ZNF875: variants seen among roughly 807,000 people sequenced by gnomAD.
ZNF875 encodes zinc finger protein 875, also known as HKR1, GLI-Kruppel zinc finger family member.
ZNF875 carries 14 observed loss-of-function variants against 11.2 expected under a neutral mutation model. The observed-to-expected ratio is 1.26, with a 90% CI of 0.83 to 1.96. The LOEUF (loss-of-function observed/expected upper bound fraction) is 1.96. ZNF875 is among the 30% of genes most tolerant of loss of function. The pLI, the probability that ZNF875 is intolerant of heterozygous loss-of-function variation, is 0.00. For missense variants in ZNF875, 752 were observed against 760.4 expected, an observed-to-expected ratio of 0.99 and a Z score of 0.13; for synonymous variants, 301 against 281.1, an observed-to-expected ratio of 1.07 and a Z score of -0.71.
chr19:37,342,803 G>A (rs1349555529), intron 2 of ZNF875, among the ~76,000 whole-genome samples: 1 of 152,116 alleles, frequency 6.6e-6, no homozygotes. Context: ...GTTCATGCAG[G>A]CAATAGCTTT....
chr19:37,324,028 T>G (rs1287525964), intron 3 of ZNF875, among the ~76,000 whole-genome samples: 1 of 152,244 alleles, frequency 6.6e-6, no homozygotes, highest in African/African-American at 2.4e-5. Context: ...CCAATGATCC[T>G]AACAGTTTAA....
At chr19:37,340,708 T>C (rs940644211) in intron 2 of ZNF875, among the ~76,000 whole-genome samples, 1 of 147,552 alleles carries the variant, frequency 6.8e-6, no homozygotes, top group Non-Finnish European at 1.5e-5. Flanking sequence ...GAGTGCAGTG[T>C]CACGATCTCA....
upstream of ZNF875, among the ~76,000 whole-genome samples, chr19:37,332,444 C>T (rs1399400781): frequency 2.6e-5 from 4 of 151,992 alleles, no homozygotes; most frequent in African/African-American, 7.2e-5. Context: ...CTCGAACTCC[C>T]GACCTCAGGT....
chr19:37,351,985 C>G (rs1488673284), intron 4 of ZNF875, among the ~76,000 whole-genome samples: 1 of 152,096 alleles, frequency 6.6e-6, no homozygotes, highest in Non-Finnish European at 1.5e-5. Flanking sequence ...TCTTATTTTT[C>G]TATCCATTAC....
At chr19:37,358,133 CTTTT>C (rs35011906) in intron 4 of ZNF875, 222 of 85,496 alleles carry the variant, frequency 2.6e-3, no homozygotes, top group East Asian at 0.01. Flanking sequence ...TTAAGATGAT[CTTTT>C]TTTTTTTTTT....
upstream of ZNF875, chr19:37,313,420 G>A (rs1366519092): frequency 6.6e-6 from 1 of 152,264 alleles, no homozygotes; most frequent in African/African-American, 2.4e-5. Context: ...AGATCAGGAT[G>A]TGTCACCCTG....
intron 4 of ZNF875, among the ~76,000 whole-genome samples, chr19:37,328,271 G>A (rs1204035257): frequency 1.3e-5 from 2 of 152,120 alleles, no homozygotes; most frequent in Non-Finnish European, 2.9e-5. Flanking sequence ...GGGTGGAAAA[G>A]AGGGATTCCA....
At chr19:37,334,277 C>G (rs1215268788), upstream of ZNF875, among the ~76,000 whole-genome samples, 1 of 152,214 alleles carries the variant, frequency 6.6e-6, no homozygotes, top group African/African-American at 2.4e-5. Flanking sequence ...CTGGCACCTG[C>G]TCAGGGAAGG....
chr19:37,344,756 CG>C, intron 2 of ZNF875: 1 of 1,598,834 alleles, frequency 6.3e-7, no homozygotes, highest in Non-Finnish European at 8.6e-7. Context: ...TGAGTTGTTC[CG>C]GGGCTGGAGG....
chr19:37,362,088 A>T, intron 4 of ZNF875, 21 bp from the exon 5 acceptor site: 1 of 1,584,402 alleles, frequency 6.3e-7, no homozygotes, highest in Non-Finnish European at 8.6e-7. Flanking sequence ...GGCCCCTCTG[A>T]AAATGTTCTT....
intron 2 of ZNF875, among the ~76,000 whole-genome samples, chr19:37,322,592 C>A (rs759453250): frequency 6.6e-6 from 1 of 152,182 alleles, no homozygotes; most frequent in African/African-American, 2.4e-5. Flanking sequence ...CATCAGTGAA[C>A]TACTCTGTAT....
chr19:37,347,547 CTCTT>C (rs1012770070), intron 3 of ZNF875: 43 of 611,780 alleles, frequency 7.0e-5, no homozygotes, highest in Non-Finnish European at 1.0e-4. Flanking sequence ...CTTGTGCTCT[CTCTT>C]TATTTTGCTT....
At chr19:37,321,892 A>G (rs1188969217) in intron 1 of ZNF875, among the ~76,000 whole-genome samples, 1 of 152,192 alleles carries the variant, frequency 6.6e-6, no homozygotes, top group Non-Finnish European at 1.5e-5. Context: ...GTCAGAAAAA[A>G]TTAAAGCATC....
At chr19:37,347,961 T>G in intron 4 of ZNF875, 89 bp downstream of exon 4, 12 of 764,308 alleles carry the variant, frequency 1.6e-5, no homozygotes, top group Non-Finnish European at 2.3e-5. Context: ...GAAGAAGCTC[T>G]TCTTCAGGCC....
upstream of ZNF875, among the ~76,000 whole-genome samples, chr19:37,330,864 T>G (rs2033261564): frequency 6.6e-6 from 1 of 152,070 alleles, no homozygotes; most frequent in Non-Finnish European, 1.5e-5. Context: ...AACTTTGAGT[T>G]TTTCAAATTA....
At chr19:37,322,684 C>T (rs887702958) in intron 2 of ZNF875, among the ~76,000 whole-genome samples, 6 of 152,076 alleles carry the variant, frequency 3.9e-5, no homozygotes, top group Non-Finnish European at 7.4e-5. Context: ...AGTGCCTGGC[C>T]CTTGTCTGGT....
chr19:37,315,050 C>T (rs2030125111), upstream of ZNF875: 1 of 152,168 alleles, frequency 6.6e-6, no homozygotes, highest in Non-Finnish European at 1.5e-5. Context: ...CCCCAACTCC[C>T]CTAACCCCGG....
intron 2 of ZNF875, chr19:37,346,969 C>T (rs2036901914): frequency 2.1e-6 from 1 of 480,786 alleles, no homozygotes; most frequent in South Asian, 2.1e-5. Flanking sequence ...AGGCATGCGC[C>T]ACCACACCTG....
At chr19:37,319,349 A>ATATATATATATATATATATATG (rs2030846658) in intron 1 of ZNF875, among the ~76,000 whole-genome samples, 1 of 141,572 alleles carries the variant, frequency 7.1e-6, no homozygotes, top group African/African-American at 2.7e-5. Flanking sequence ...GCCGGCATAT[A>ATATATATATATATATATATATG]TATATATATA....
Sources: allele counts gnomAD v4.1 joint callset (sites outside exome capture counted in the v4.1 genomes callset), GRCh38; gene constraint gnomAD v4.1.1; transcripts MANE v1.5; gene names NCBI Gene and HGNC (gene_info 2026-07-23, HGNC 2026-07-21).